BCL2: variants seen among roughly 807,000 people sequenced by gnomAD.
BCL2 encodes BCL2 apoptosis regulator.
In BCL2, 1 loss-of-function variant was observed where a neutral mutation model predicts 14.2. The ratio of observed to expected loss-of-function variants is 0.07; its 90% CI spans 0.02 to 0.33. The LOEUF is 0.33. Among genes scored for constraint, BCL2 ranks in the 10% least tolerant of loss-of-function variants. The probability of loss-of-function intolerance (pLI) is 0.99; values close to 1 mark genes in which losing one functional copy is unlikely to be tolerated. For missense variants in BCL2, 247 were observed against 305.9 expected, an observed-to-expected ratio of 0.81 and a Z score of 1.44; for synonymous variants, 151 against 137.2, an observed-to-expected ratio of 1.10 and a Z score of -0.70.
Position 63,149,989 on chromosome 18 carries a change from C to T in BCL2, c.586-21230G>A, listed in dbSNP as rs546116559. On this transcript the variant is annotated intron_variant, in intron 2 of 2. Coordinates refer to ENST00000333681, the MANE Select transcript of BCL2 (RefSeq NM_000633.3). The surrounding 1 kb of genome is among the most constrained non-coding windows in gnomAD (Gnocchi z 4.2). ...CTGCCTCCCAGGTTCAAGCAATTCT[C>T]CTGCCTCAGTCTTCCCGAATGGCTG... is the stretch of plus-strand genomic sequence containing the variant. Among the ~76,000 whole-genome samples, 158 of 152,270 alleles carry T rather than the reference C, an allele frequency of 1.0e-3. 1 individual carries two copies. Among genetic ancestry groups the T allele is most frequent in the Non-Finnish European group, 6.8e-4 (46 of 68,026 alleles).
intron 2 of BCL2, among the ~76,000 whole-genome samples, chr18:63,214,609 C>A (rs1464309373): frequency 6.6e-6 from 1 of 150,792 alleles, no homozygotes; most frequent in African/African-American, 2.4e-5. Context: ...AGCTGCCACA[C>A]TAATCAAAAA....
intron 2 of BCL2, among the ~76,000 whole-genome samples, chr18:63,248,312 G>A (rs1172829666): frequency 6.6e-6 from 1 of 152,204 alleles, no homozygotes; most frequent in Non-Finnish European, 1.5e-5. Flanking sequence ...TTTCATCAAT[G>A]AGAAATAAAA....
intron 2 of BCL2, among the ~76,000 whole-genome samples, chr18:63,214,631 T>TA (rs71162605): frequency 0.22 from 32,813 of 148,596 alleles, 3,648 homozygotes; most frequent in East Asian, 0.27. Flanking sequence ...TGTCGGGTAA[T>TA]AAAAAAAAAA....
At chr18:63,247,434 G>C (rs577925912) in intron 2 of BCL2, among the ~76,000 whole-genome samples, 34 of 151,954 alleles carry the variant, frequency 2.2e-4, no homozygotes, top group Middle Eastern at 3.4e-3. Context: ...CTGATCTCAG[G>C]TGATCTGCCC....
At chr18:63,265,098 C>T (rs1045064666) in intron 2 of BCL2, among the ~76,000 whole-genome samples, 2 of 152,190 alleles carry the variant, frequency 1.3e-5, no homozygotes, top group Non-Finnish European at 1.5e-5. Flanking sequence ...AACTCCAGGC[C>T]TCTCTGTCGC....
chr18:63,229,275 A>C (rs1293431173), intron 2 of BCL2, among the ~76,000 whole-genome samples: 1 of 152,186 alleles, frequency 6.6e-6, no homozygotes, highest in African/African-American at 2.4e-5. Flanking sequence ...ATTATTTTAA[A>C]AATTGAGGTA....
intron 2 of BCL2, among the ~76,000 whole-genome samples, chr18:63,196,833 ACAT>A (rs1469339884): frequency 6.6e-6 from 1 of 152,186 alleles, no homozygotes; most frequent in Non-Finnish European, 1.5e-5. Flanking sequence ...GCACATGGAA[ACAT>A]CATAGTTATG....
chr18:63,306,539 C>T (rs1264165790), intron 2 of BCL2, among the ~76,000 whole-genome samples: 1 of 152,246 alleles, frequency 6.6e-6, no homozygotes, highest in Admixed American at 6.5e-5. Flanking sequence ...TGGCCGCTTG[C>T]CTCTGGCCTT....
intron 2 of BCL2, among the ~76,000 whole-genome samples, chr18:63,280,651 G>A (rs116269009): frequency 1.3e-5 from 2 of 152,204 alleles, no homozygotes; most frequent in South Asian, 4.1e-4. Context: ...TCACACTCAT[G>A]AAGAGGGCCA....
At chr18:63,129,305 T>TTA (rs397690130) in intron 2 of BCL2, among the ~76,000 whole-genome samples, 2 of 151,638 alleles carry the variant, frequency 1.3e-5, no homozygotes, top group Non-Finnish European at 2.9e-5. Context: ...TTTTTTTTTT[T>TTA]AGAGACAAGA....
At position 63,201,886 on chromosome 18, in the gene BCL2, G is replaced by A. The variant is rs180728588; in HGVS notation, c.586-73127C>T. Among the ~76,000 whole-genome samples, 910 of 152,130 alleles carry A rather than the reference G, an allele frequency of 6.0e-3. 7 individuals carry two copies. Among genetic ancestry groups the A allele is most frequent in the Non-Finnish European group, 8.9e-3 (608 of 67,994 alleles). On this transcript the variant is annotated intron_variant, in intron 2 of 2. Coordinates refer to ENST00000333681, the MANE Select transcript of BCL2 (RefSeq NM_000633.3). ...GAGAAATACCTAATGTATGTGACAG[G>A]GTGATGAGTGCAGCAAACCACCATG...
intron 2 of BCL2, among the ~76,000 whole-genome samples, chr18:63,161,208 T>G (rs1259149902): frequency 6.6e-6 from 1 of 152,150 alleles, no homozygotes; most frequent in African/African-American, 2.4e-5. Flanking sequence ...ATATTTTGAG[T>G]CACATGTATT....
intron 2 of BCL2, among the ~76,000 whole-genome samples, chr18:63,198,529 C>CAG (rs1909532797): frequency 6.8e-6 from 1 of 146,362 alleles, no homozygotes; most frequent in Non-Finnish European, 1.5e-5. Context: ...TAGACACAGA[C>CAG]ACACATTGAC....
chr18:63,316,671 A>T (rs1309390501), intron 2 of BCL2: 4 of 152,208 alleles, frequency 2.6e-5, no homozygotes, highest in African/African-American at 9.6e-5. Context: ...TGGTCAAATA[A>T]GATCAGATGT....
chr18:63,144,607 T>C (rs2144600938), intron 2 of BCL2, among the ~76,000 whole-genome samples: 1 of 151,638 alleles, frequency 6.6e-6, no homozygotes. Context: ...GCTCAAGAAA[T>C]GTACCAAGAG....
intron 2 of BCL2, among the ~76,000 whole-genome samples, chr18:63,146,158 A>C (rs1914505976): frequency 6.6e-6 from 1 of 151,950 alleles, no homozygotes; most frequent in South Asian, 2.1e-4. Flanking sequence ...CCCGTTCTCC[A>C]TTTGCCTGTT....
chr18:63,193,608 GTGTATAC>G (rs1352867653), intron 2 of BCL2, among the ~76,000 whole-genome samples: 1 of 146,994 alleles, frequency 6.8e-6, no homozygotes, highest in Non-Finnish European at 1.5e-5. Flanking sequence ...GTGTGTGTGT[GTGTATAC>G]ACACACACAC....
At chr18:63,135,127 T>A (rs1914176423) in intron 2 of BCL2, among the ~76,000 whole-genome samples, 1 of 152,224 alleles carries the variant, frequency 6.6e-6, no homozygotes, top group Non-Finnish European at 1.5e-5. Context: ...ACAGTGTGTA[T>A]TCATAAGGAA....
intron 2 of BCL2, among the ~76,000 whole-genome samples, chr18:63,260,875 A>G (rs1911639143): frequency 6.6e-6 from 1 of 152,212 alleles, no homozygotes; most frequent in African/African-American, 2.4e-5. Context: ...ACAAGCAGAA[A>G]TGATCTTTAG....
Sources: allele counts gnomAD v4.1 joint callset (sites outside exome capture counted in the v4.1 genomes callset), GRCh38; gene constraint gnomAD v4.1.1; non-coding constraint Gnocchi (gnomAD v3.1); transcripts MANE v1.5; gene names NCBI Gene and HGNC (gene_info 2026-07-23, HGNC 2026-07-21).